Variants in XPO4 observed in about 807,000 individuals in gnomAD.
XPO4 encodes exportin-4.
XPO4 carries 39 observed loss-of-function variants against 143.0 expected under a neutral mutation model. The observed-to-expected ratio is 0.27, with a 90% CI of 0.21 to 0.36. The LOEUF is 0.36. Among genes scored for constraint, XPO4 ranks in the 10% least tolerant of loss-of-function variants. The pLI is 1.00. For synonymous variants in XPO4, 439 were observed against 474.0 expected (o/e 0.93, Z 0.96); for missense variants, 907 against 1,348.0 (o/e 0.67, Z 5.12).
At chr13:20,889,245 AT>A (rs758810578) in intron 1 of XPO4, among the ~76,000 whole-genome samples, 39 of 152,332 alleles carry the variant, frequency 2.6e-4, no homozygotes, top group Non-Finnish European at 5.1e-4. Context: ...ATGGCTAGTA[AT>A]TATCACATTG....
intron 3 of XPO4, 71 bp from the exon 4 acceptor site, chr13:20,855,836 T>G: frequency 2.1e-6 from 3 of 1,435,390 alleles, no homozygotes; most frequent in Non-Finnish European, 2.8e-6. Flanking sequence ...AACTTCTCTC[T>G]ATGCCTGAAG....
chr13:20,901,229 C>T (rs1007770105), intron 1 of XPO4, among the ~76,000 whole-genome samples: 1 of 152,182 alleles, frequency 6.6e-6, no homozygotes, highest in South Asian at 2.1e-4. Flanking sequence ...ATTCTTCTCA[C>T]CTACTCCTTA....
chr13:20,801,870 G>T (rs2059438567), intron 13 of XPO4, among the ~76,000 whole-genome samples: 1 of 152,120 alleles, frequency 6.6e-6, no homozygotes, highest in Admixed American at 6.5e-5. Flanking sequence ...ACGTGTTTCA[G>T]TTCTTTACCC....
At chr13:20,832,906 G>A (rs569188887) in intron 6 of XPO4, among the ~76,000 whole-genome samples, 4 of 151,488 alleles carry the variant, frequency 2.6e-5, no homozygotes, top group Non-Finnish European at 4.4e-5. Flanking sequence ...CTTTCTCCAA[G>A]AGATTAAGTT....
intron 6 of XPO4, among the ~76,000 whole-genome samples, chr13:20,828,962 A>T (rs1390631173): frequency 1.3e-5 from 2 of 152,250 alleles, no homozygotes; most frequent in Non-Finnish European, 2.9e-5. Context: ...CAGAGCACAG[A>T]TGAAACAAGA....
At chr13:20,808,938 A>G in intron 11 of XPO4, 145 bp downstream of exon 11, 1 of 940,056 alleles carries the variant, frequency 1.1e-6, no homozygotes, top group Non-Finnish European at 1.6e-6. Context: ...AAGGAACGCA[A>G]TCATGAGTAT....
intron 2 of XPO4, among the ~76,000 whole-genome samples, chr13:20,863,946 C>T (rs2060223621): frequency 6.6e-6 from 1 of 152,108 alleles, no homozygotes; most frequent in African/African-American, 2.4e-5. Context: ...ACACATTTAG[C>T]TATAAAAATG....
chr13:20,794,710 G>GCACAA (rs2059333365), intron 18 of XPO4, among the ~76,000 whole-genome samples: 1 of 152,114 alleles, frequency 6.6e-6, no homozygotes, highest in Non-Finnish European at 1.5e-5. Context: ...TAGCCTGGAT[G>GCACAA]ACAGAGGGAG....
At chr13:20,879,643 C>T (rs1234508331) in intron 1 of XPO4, among the ~76,000 whole-genome samples, 7 of 151,872 alleles carry the variant, frequency 4.6e-5, no homozygotes, top group African/African-American at 1.5e-4. Context: ...ATCAGACAAA[C>T]GAAACTCACA....
At chr13:20,834,645 T>TAAAA (rs5802089) in intron 6 of XPO4, among the ~76,000 whole-genome samples, 1 of 144,286 alleles carries the variant, frequency 6.9e-6, no homozygotes, top group African/African-American at 2.5e-5. Flanking sequence ...TTGAAAGAAA[T>TAAAA]AAAAAAAAAA....
intron 1 of XPO4, among the ~76,000 whole-genome samples, chr13:20,878,169 C>A (rs2585891): frequency 6.6e-6 from 1 of 151,856 alleles, no homozygotes; most frequent in African/African-American, 2.4e-5. Context: ...CCAGATGCCA[C>A]CTCAAAAAAA....
chr13:20,867,377 T>C (rs2060253353), intron 2 of XPO4, among the ~76,000 whole-genome samples: 1 of 152,238 alleles, frequency 6.6e-6, no homozygotes, highest in Admixed American at 6.5e-5. Context: ...TTTTAAAAGC[T>C]GTTTAAAATC....
chr13:20,868,389 G>A (rs943125078), intron 2 of XPO4: 1 of 727,794 alleles, frequency 1.4e-6, no homozygotes, highest in Non-Finnish European at 1.9e-6. Context: ...ATATCTAGGG[G>A]GGAAAAATCC....
intron 3 of XPO4, among the ~76,000 whole-genome samples, chr13:20,859,516 C>T (rs746332450): frequency 6.6e-6 from 1 of 152,174 alleles, no homozygotes; most frequent in Non-Finnish European, 1.5e-5. Flanking sequence ...AGGAGAATGG[C>T]GTAAACCCAG....
At chr13:20,898,916 C>T (rs1183954830) in intron 1 of XPO4, among the ~76,000 whole-genome samples, 1 of 152,190 alleles carries the variant, frequency 6.6e-6, no homozygotes, top group Non-Finnish European at 1.5e-5. Context: ...TAGCTTACGC[C>T]TATAATTCCA....
intron 2 of XPO4, among the ~76,000 whole-genome samples, chr13:20,867,894 T>C (rs1289986667): frequency 6.6e-6 from 1 of 152,092 alleles, no homozygotes; most frequent in African/African-American, 2.4e-5. Context: ...AAAATAACAA[T>C]AACCAATGAA....
At position 20,868,689 on chromosome 13, in the gene XPO4, T is replaced by C. The variant is rs2060265406; in HGVS notation, c.82A>G (p.Met28Val). 10 of 1,612,592 alleles carry C rather than the reference T, an allele frequency of 6.2e-6. No homozygotes were observed. The highest frequency in any genetic ancestry group is 1.7e-5 in the Admixed American group (1 of 59,910). ...TGCTGGCGTTGTTCATTATTGACCA[T>C]GGAAGGTGGTGCCTTGAGAGTTAAA... ...AAKVLMAPPS[M>V]VNNEQRQHAE... The change falls in exon 2 of 23, where the codon ATG becomes GTG. Residue 28 changes from methionine (M) to valine (V), a missense_variant. Transcript: ENST00000255305.
At chr13:20,888,381 C>T (rs987453842) in intron 1 of XPO4, among the ~76,000 whole-genome samples, 2 of 152,066 alleles carry the variant, frequency 1.3e-5, no homozygotes, top group South Asian at 4.1e-4. Context: ...AGGGTCTGTT[C>T]TGTCACCTAG....
At position 20,787,007 on chromosome 13, in the gene XPO4, A is replaced by G. The variant is rs1197568958; in HGVS notation, c.3216T>C (p.Thr1072=). The change falls in exon 22 of 23, where the codon ACT becomes ACC. Residue 1072 remains threonine, a synonymous_variant. Coordinates refer to ENST00000255305, the MANE Select transcript of XPO4 (RefSeq NM_022459.5). ...ACGTGTAGAAAGCTTCGCCAGCCGCAGTGGTCATCTCTGTGTTGTGCTTTT... is the reference window on the plus strand; with the variant it reads ...ACGTGTAGAAAGCTTCGCCAGCCGCGGTGGTCATCTCTGTGTTGTGCTTTT... ...VLQKHNTEMT[T]AAGEAFYTLV... is the part of the protein sequence containing the mutation. 8.3e-6 allele frequency: 13 copies of G among 1,567,510 alleles called. No homozygotes were observed. Among genetic ancestry groups the G allele is most frequent in the African/African-American group, 1.4e-5 (1 of 73,864 alleles).
Sources: allele counts gnomAD v4.1 joint callset (sites outside exome capture counted in the v4.1 genomes callset), GRCh38; gene constraint gnomAD v4.1.1; transcripts MANE v1.5; gene names NCBI Gene and HGNC (gene_info 2026-07-23, HGNC 2026-07-21).